The following GLG1 variants were observed in gnomAD, a reference collection of about 807,000 sequenced individuals.
GLG1 encodes the protein Golgi apparatus protein 1.
GLG1 carries 38 observed loss-of-function variants against 160.5 expected under a neutral mutation model. The ratio of observed to expected loss-of-function variants is 0.24; its 90% CI spans 0.18 to 0.31. GLG1 has a LOEUF of 0.31. Ranked by LOEUF, GLG1 falls within the 10% of genes least tolerant of loss-of-function variation. The probability of loss-of-function intolerance (pLI) is 1.00; values close to 1 mark genes in which losing one functional copy is unlikely to be tolerated. For missense variants in GLG1, 1,373 were observed against 1,505.2 expected (o/e 0.91, Z 1.45); for synonymous variants, 644 against 543.4 (o/e 1.19, Z -2.57).
intron 1 of GLG1, among the ~76,000 whole-genome samples, chr16:74,604,348 T>G (rs1183792744): frequency 1.3e-5 from 2 of 152,252 alleles, no homozygotes; most frequent in African/African-American, 4.8e-5. Context: ...AGACAAGAAT[T>G]CGGAAGGGTG....
intron 2 of GLG1, among the ~76,000 whole-genome samples, chr16:74,513,043 G>C (rs971734158): frequency 6.6e-6 from 1 of 152,142 alleles, no homozygotes; most frequent in Non-Finnish European, 1.5e-5. Context: ...GGAGTTGAAG[G>C]TATGAAAGAT....
intron 7 of GLG1, among the ~76,000 whole-genome samples, chr16:74,492,365 C>T (rs1319396487): frequency 1.0e-5 from 1 of 99,044 alleles, no homozygotes; most frequent in African/African-American, 3.8e-5. Flanking sequence ...GACTCTGTCT[C>T]AAAAAAAAAA....
intron 2 of GLG1, among the ~76,000 whole-genome samples, chr16:74,515,854 A>T (rs1187303231): frequency 6.6e-6 from 1 of 151,546 alleles, no homozygotes; most frequent in Non-Finnish European, 1.5e-5. Context: ...ATGGAGGAAG[A>T]TCTACCAAGC....
At chr16:74,595,353 C>T (rs918075532) in intron 1 of GLG1, among the ~76,000 whole-genome samples, 4 of 151,710 alleles carry the variant, frequency 2.6e-5, no homozygotes, top group Non-Finnish European at 4.4e-5. Flanking sequence ...CTGGCTAACA[C>T]GTTGAAACCT....
chr16:74,600,263 T>C (rs564201290), intron 1 of GLG1, among the ~76,000 whole-genome samples: 1 of 151,380 alleles, frequency 6.6e-6, no homozygotes, highest in South Asian at 2.1e-4. Flanking sequence ...AGTGGTGTTG[T>C]GTACCTATAG....
intron 9 of GLG1, among the ~76,000 whole-genome samples, chr16:74,485,340 A>G (rs1467498822): frequency 6.6e-6 from 1 of 152,212 alleles, no homozygotes; most frequent in Admixed American, 6.5e-5. Context: ...TACTCCCTTC[A>G]ACTACCACAT....
intron 18 of GLG1, among the ~76,000 whole-genome samples, chr16:74,466,129 C>G (rs1249431552): frequency 6.6e-6 from 1 of 152,198 alleles, no homozygotes; most frequent in Admixed American, 6.5e-5. Context: ...GAGATAGGCT[C>G]TCTGCATTTT....
chr16:74,463,229 A>G, intron 20 of GLG1, 127 bp downstream of exon 20: 6 of 862,422 alleles, frequency 7.0e-6, no homozygotes, highest in Non-Finnish European at 9.0e-6. Context: ...GGCCCTGCTT[A>G]CACTCAGACT....
At chr16:74,499,699 C>G (rs750068792) in intron 4 of GLG1, among the ~76,000 whole-genome samples, 3 of 152,106 alleles carry the variant, frequency 2.0e-5, no homozygotes, top group African/African-American at 7.2e-5. Context: ...ACTACACTGG[C>G]ATTAGGTCAT....
intron 1 of GLG1, among the ~76,000 whole-genome samples, chr16:74,582,741 C>A (rs1009401289): frequency 6.6e-6 from 1 of 151,908 alleles, no homozygotes; most frequent in African/African-American, 2.4e-5. Flanking sequence ...ATGGTGTGAA[C>A]CCGGGAGGTG....
chr16:74,566,644 C>G (rs1312979215), intron 1 of GLG1, among the ~76,000 whole-genome samples: 1 of 152,006 alleles, frequency 6.6e-6, no homozygotes, highest in African/African-American at 2.4e-5. Flanking sequence ...CATGCCTATT[C>G]TGTTGTAATT....
At position 74,565,489 on chromosome 16, in the gene GLG1, C is replaced by T. The variant is rs192329867; in HGVS notation, c.439-33336G>A. ...ACTAGAAGAGAAAACAAACTGCAAC[C>T]TACTCCTGTAACAAGTAACTCAGTC... On this transcript the variant is annotated intron_variant, in intron 1 of 25. Coordinates refer to ENST00000422840, the MANE Select transcript of GLG1 (RefSeq NM_001145667.2). Among the ~76,000 whole-genome samples the T allele has an allele frequency of 2.0e-5, 3 of 152,306 alleles. No individual in the cohort carries two copies. The East Asian group carries it at 5.8e-4, about 29-fold the overall frequency.
At chr16:74,603,230 T>G (rs1385763858) in intron 1 of GLG1, among the ~76,000 whole-genome samples, 1 of 151,854 alleles carries the variant, frequency 6.6e-6, no homozygotes, top group African/African-American at 2.4e-5. Context: ...GCCAACATGG[T>G]GAAACTCTGT....
chr16:74,512,084 C>G (rs1042978242), intron 2 of GLG1, among the ~76,000 whole-genome samples: 1 of 152,014 alleles, frequency 6.6e-6, no homozygotes, highest in African/African-American at 2.4e-5. Flanking sequence ...CAGAAGCCCA[C>G]ACCCATTCTG....
At chr16:74,571,477 A>G (rs2018825197) in intron 1 of GLG1, among the ~76,000 whole-genome samples, 1 of 152,156 alleles carries the variant, frequency 6.6e-6, no homozygotes, top group Non-Finnish European at 1.5e-5. Flanking sequence ...GCTAGAGACC[A>G]GACTGGGCAA....
At chr16:74,533,543 G>A (rs2017604957) in intron 1 of GLG1, among the ~76,000 whole-genome samples, 1 of 152,130 alleles carries the variant, frequency 6.6e-6, no homozygotes, top group Admixed American at 6.5e-5. Context: ...CACTTTGGGA[G>A]GCCGAGGCAG....
At chr16:74,562,486 G>A (rs965215260) in intron 1 of GLG1, among the ~76,000 whole-genome samples, 1 of 152,044 alleles carries the variant, frequency 6.6e-6, no homozygotes, top group Non-Finnish European at 1.5e-5. Context: ...TCTGTAGATG[G>A]TCTCACTCTG....
chr16:74,544,939 T>C (rs2018004806), intron 1 of GLG1, among the ~76,000 whole-genome samples: 1 of 151,672 alleles, frequency 6.6e-6, no homozygotes, highest in African/African-American at 2.4e-5. Context: ...TAATTCTGCA[T>C]TGCCCCAATC....
At chr16:74,551,301 T>C (rs2018191470) in intron 1 of GLG1, among the ~76,000 whole-genome samples, 1 of 152,048 alleles carries the variant, frequency 6.6e-6, no homozygotes, top group Non-Finnish European at 1.5e-5. Flanking sequence ...TTATTTTATT[T>C]ATTTATTTTT....
Sources: allele counts gnomAD v4.1 joint callset (sites outside exome capture counted in the v4.1 genomes callset), GRCh38; gene constraint gnomAD v4.1.1; transcripts MANE v1.5; gene names NCBI Gene and HGNC (gene_info 2026-07-23, HGNC 2026-07-21).